GGA1: variants seen among roughly 807,000 people sequenced by gnomAD.
GGA1 encodes the protein golgi associated, gamma adaptin ear containing, ARF binding protein 1.
GGA1 carries 18 observed loss-of-function variants against 76.9 expected under a neutral mutation model. The ratio of observed to expected loss-of-function variants is 0.23; its 90% confidence interval spans 0.16 to 0.35. The LOEUF (loss-of-function observed/expected upper bound fraction) is 0.35, where lower values mean the gene tolerates loss of function less well. GGA1 is among the 10% of genes least tolerant of loss of function. The pLI, the probability that GGA1 is intolerant of heterozygous loss-of-function variation, is 1.00. For synonymous variants in GGA1, 342 were observed against 354.7 expected (o/e 0.96, Z 0.40); for missense variants, 755 against 859.0 (o/e 0.88, Z 1.51).
In GGA1 at chr22:37,627,765, A is replaced by C. The variant is rs118023462; in HGVS notation, c.1094-1697A>C. Among the ~76,000 whole-genome samples the C allele has an allele frequency of 9.8e-3, 1,491 of 152,354 alleles. 4 individuals carry two copies. The highest frequency in any genetic ancestry group is 0.017 in the Non-Finnish European group (1,135 of 68,032). Reference sequence around the variant, plus strand: ...TCTCAGAGGCAAAGCATGGGGGCACAGGAGCCGGAAGTGCCAGGGCAGCCT... The same window carrying C: ...TCTCAGAGGCAAAGCATGGGGGCACCGGAGCCGGAAGTGCCAGGGCAGCCT... On this transcript the variant is annotated intron_variant, in intron 11 of 16. Coordinates refer to ENST00000343632, the MANE Select transcript of GGA1 (RefSeq NM_013365.5).
intron 1 of GGA1, chr22:37,613,928 G>A (rs1411731764): frequency 2.2e-6 from 1 of 464,288 alleles, no homozygotes; most frequent in Non-Finnish European, 4.0e-6. Context: ...CAGCTGCAGG[G>A]GTGGGAGGAG....
intron 2 of GGA1, among the ~76,000 whole-genome samples, chr22:37,614,578 C>T (rs1338033234): frequency 6.6e-6 from 1 of 152,230 alleles, no homozygotes; most frequent in African/African-American, 2.4e-5. Context: ...GCAGCCAGTG[C>T]TTTGTGGGGA....
rs1208720224 is a variant in GGA1 at position 37,625,077 on chromosome 22, G to T, written c.940+1G>T. On this transcript the variant is annotated splice_donor_variant, in intron 10 of 16. Transcript: ENST00000343632. LOFTEE classifies it high-confidence loss of function. This position sits in a 1 kb window ranked among gnomAD's most constrained non-coding sequence, Gnocchi z 4.1. Reference sequence around the variant, plus strand: ...GATGCCACAGCCGGCTCCATCCCTGGTGAGGAGGTGGCAGGAGAGCTGGGA... The same window carrying T: ...GATGCCACAGCCGGCTCCATCCCTGTTGAGGAGGTGGCAGGAGAGCTGGGA... 1 of 1,585,558 alleles carries T rather than the reference G, an allele frequency of 6.3e-7. No individual in the cohort carries two copies. Among genetic ancestry groups the T allele is most frequent in the Non-Finnish European group, 8.6e-7 (1 of 1,166,194 alleles).
chr22:37,630,577 C>CT (rs1333043396), intron 13 of GGA1: 11 of 447,032 alleles, frequency 2.5e-5, no homozygotes, highest in Non-Finnish European at 3.2e-5. Context: ...ATCACTTTTT[C>CT]TTTTTTTGAG....
chr22:37,629,565 C>T (rs2145992169), intron 12 of GGA1, 39 bp downstream of exon 12: 1 of 1,320,052 alleles, frequency 7.6e-7, no homozygotes, highest in Non-Finnish European at 1.1e-6. Flanking sequence ...CTGTCCCAGT[C>T]CCAGGGTCAG....
In GGA1 at chr22:37,629,577, G is replaced by A. The variant is rs758064426; in HGVS notation, c.1158+51G>A. ...GGCCTGTCCCAGTCCCAGGGTCAGG[G>A]CAGCTGGGACAAGTGGCCTGGAGAA... On this transcript the variant is annotated intron_variant, in intron 12 of 16. Coordinates refer to ENST00000343632, the MANE Select transcript of GGA1 (RefSeq NM_013365.5). 1.7e-5 allele frequency: 20 copies of A among 1,182,416 alleles called. No individual in the cohort carries two copies. In the South Asian group the frequency reaches 2.6e-4, roughly 15 times the overall value. The allele number at this position is 1,182,416 out of a possible 1,614,324, so 73.2% of individuals were successfully genotyped here.
At chr22:37,629,908 G>T (rs1931487188) in intron 12 of GGA1, 90 bp from the exon 13 acceptor site, 2 of 912,244 alleles carry the variant, frequency 2.2e-6, no homozygotes, top group Admixed American at 5.3e-5. Context: ...GATGTCATTT[G>T]CAAGGAGGAC....
chr22:37,627,876 T>G (rs552816507), intron 11 of GGA1, among the ~76,000 whole-genome samples: 1 of 152,280 alleles, frequency 6.6e-6, no homozygotes, highest in Admixed American at 6.5e-5. Context: ...GGGAGACAGG[T>G]TCCTGTCCCT....
Position 37,629,455 on chromosome 22 carries a change from C to A in GGA1, c.1094-7C>A. 1 of 1,589,236 alleles carries A rather than the reference C, an allele frequency of 6.3e-7. No individual in the cohort carries two copies. ...GCTCCTTCACCTCTCTCCTGCTTTC[C>A]CCTCAGGCCTCAGTGACCCCACACC... On this transcript the variant is annotated splice_region_variant and splice_polypyrimidine_tract_variant and intron_variant, in intron 11 of 16. Transcript: ENST00000343632.
At chr22:37,621,003 G>A in intron 6 of GGA1, 90 bp downstream of exon 6, 1 of 802,802 alleles carries the variant, frequency 1.2e-6, no homozygotes, top group South Asian at 1.4e-5. Flanking sequence ...ATCAGCCGTT[G>A]GAACAGAGGC....
intron 11 of GGA1, among the ~76,000 whole-genome samples, chr22:37,628,125 C>A (rs1024620426): frequency 6.6e-6 from 1 of 152,204 alleles, no homozygotes; most frequent in African/African-American, 2.4e-5. Context: ...ACTGCGCCCA[C>A]CTCTTTTTGG....
rs993474031 is a variant in GGA1, at chr22:37,608,881, G to T, written c.21G>T (p.Pro7=). The T allele has an allele frequency of 1.5e-6, 2 of 1,309,804 alleles. No homozygotes were observed. The highest frequency in any genetic ancestry group is 3.1e-5 in the East Asian group (1 of 31,852). The allele number at this position is 1,309,804 out of a possible 1,614,324, so 81.1% of individuals were successfully genotyped here. A position where few individuals can be genotyped will look rare whatever the true frequency, so the allele number is the denominator to read the frequency against. MEPAME[P]ETLEARINRA... is the part of the protein sequence containing the mutation. ...GGCGGATGGAGCCCGCGATGGAGCC[G>T]GAGACTCTGGAGGCGCGAATCAGTG... The change falls in exon 1 of 17, where the codon CCG becomes CCT. Residue 7 remains proline (P), a synonymous_variant. Transcript: ENST00000343632.
chr22:37,612,827 G>C, intron 1 of GGA1: 2 of 669,872 alleles, frequency 3.0e-6, no homozygotes, highest in Non-Finnish European at 3.7e-6. Context: ...GGGAAATGGA[G>C]GTTCAGGGAA....
At chr22:37,619,635 C>T (rs1023712046) in intron 4 of GGA1, among the ~76,000 whole-genome samples, 2 of 152,246 alleles carry the variant, frequency 1.3e-5, no homozygotes, top group African/African-American at 4.8e-5. Flanking sequence ...ATTGGCCTCC[C>T]AAAGTGCTGG....
Position 37,625,031 on chromosome 22 carries a change from C to A in GGA1, c.895C>A (p.Arg299=). The A allele has an allele frequency of 6.2e-7, 1 of 1,601,780 alleles. No homozygotes were observed. The highest frequency in any genetic ancestry group is 8.5e-7 in the Non-Finnish European group (1 of 1,174,830). The change falls in exon 10 of 17, where the codon CGG becomes AGG. Residue 299 remains arginine, a synonymous_variant. Transcript: ENST00000343632. This position sits in a 1 kb window ranked among gnomAD's most constrained non-coding sequence, Gnocchi z 4.1. ...GATCAACCTGTATAAGCAGCTGGTG[C>A]GGGGTGAGGAGGTCAACGGTGATGC... ...QVINLYKQLV[R]GEEVNGDATA... is the part of the protein sequence containing the mutation.
intron 7 of GGA1, among the ~76,000 whole-genome samples, chr22:37,622,759 G>C (rs1438328139): frequency 6.6e-6 from 1 of 152,336 alleles, no homozygotes. Flanking sequence ...TGGGAGGACT[G>C]TGTGAGGCCA....
intron 1 of GGA1, among the ~76,000 whole-genome samples, chr22:37,611,890 G>A (rs1014411434): frequency 2.0e-5 from 3 of 152,168 alleles, no homozygotes; most frequent in Non-Finnish European, 4.4e-5. Flanking sequence ...AGTGGCTCAT[G>A]CCTGTAATCC....
At chr22:37,614,723 A>T (rs1418990170) in intron 2 of GGA1, among the ~76,000 whole-genome samples, 1 of 152,240 alleles carries the variant, frequency 6.6e-6, no homozygotes, top group African/African-American at 2.4e-5. Flanking sequence ...TCATGCCTGT[A>T]ATCCCAGCAC....
rs555857998 is a variant in GGA1, at chr22:37,631,784, C to T, written c.1529-212C>T. Among the ~76,000 whole-genome samples, 28 of 152,328 alleles carry T rather than the reference C, an allele frequency of 1.8e-4. No homozygotes were observed. In the East Asian group the frequency reaches 4.4e-3, roughly 24 times the overall value. On this transcript the variant is annotated intron_variant, in intron 14 of 16. Coordinates refer to ENST00000343632, the MANE Select transcript of GGA1 (RefSeq NM_013365.5). The stretch of plus-strand genomic sequence containing the variant: ...CTCTGGGGTGGGTGTCCTGCCTCCA[C>T]TATCAGACTGGGGGTTCACCTGCCC...
Sources: gnomAD v4.1 joint callset for allele counts (sites outside exome capture counted in the v4.1 genomes callset) on GRCh38, gnomAD v4.1.1 for gene constraint, Gnocchi (gnomAD v3.1) non-coding constraint, MANE v1.5 for transcripts, NCBI Gene and HGNC (gene_info 2026-07-23, HGNC 2026-07-21) for gene names.